The following CACNA2D3 variants were observed in gnomAD, a reference collection of about 807,000 sequenced individuals.
CACNA2D3 encodes the protein calcium voltage-gated channel auxiliary subunit alpha2delta 3.
CACNA2D3 carries 60 observed loss-of-function variants against 160.6 expected under a neutral mutation model. The ratio of observed to expected loss-of-function variants is 0.37; its 90% CI spans 0.30 to 0.46. The LOEUF (loss-of-function observed/expected upper bound fraction) is 0.46. Among genes scored for constraint, CACNA2D3 ranks in the 20% least tolerant of loss-of-function variants. CACNA2D3 has a pLI of 1.00. For missense variants in CACNA2D3, 1,205 were observed against 1,365.0 expected (o/e 0.88, Z 1.85); for synonymous variants, 558 against 492.9 (o/e 1.13, Z -1.75).
At chr3:54,295,152 C>G (rs139840261) in intron 2 of CACNA2D3, among the ~76,000 whole-genome samples, 30 of 152,184 alleles carry the variant, frequency 2.0e-4, no homozygotes, top group African/African-American at 7.2e-4. Context: ...GGAGGTGTAG[C>G]GAGAGCTATG....
intron 11 of CACNA2D3, among the ~76,000 whole-genome samples, chr3:54,751,671 A>G (rs1701859529): frequency 6.6e-6 from 1 of 152,198 alleles, no homozygotes; most frequent in African/African-American, 2.4e-5. Context: ...CACTTGACCC[A>G]TCAGACTAGA....
chr3:55,007,706 A>G, intron 32 of CACNA2D3, 84 bp from the exon 33 acceptor site: 2 of 823,090 alleles, frequency 2.4e-6, no homozygotes. Flanking sequence ...GAAGAATAAC[A>G]TTGTCCTTAT....
At chr3:54,293,252 A>G (rs1056854726) in intron 2 of CACNA2D3, among the ~76,000 whole-genome samples, 10 of 152,178 alleles carry the variant, frequency 6.6e-5, no homozygotes, top group African/African-American at 2.2e-4. Flanking sequence ...GTTTGGTTAC[A>G]TGAATAAGTT....
chr3:54,626,615 C>A, intron 9 of CACNA2D3: 1 of 1,374,230 alleles, frequency 7.3e-7, no homozygotes, highest in African/African-American at 1.5e-5. Flanking sequence ...GGCATCGGGG[C>A]CAGCCACTCC....
intron 4 of CACNA2D3, among the ~76,000 whole-genome samples, chr3:54,447,212 CTA>C (rs1700236775): frequency 6.6e-6 from 1 of 152,058 alleles, no homozygotes; most frequent in African/African-American, 2.4e-5. Context: ...TAAAAATTAT[CTA>C]TTTTAAGGAA....
intron 9 of CACNA2D3, among the ~76,000 whole-genome samples, chr3:54,585,138 C>A (rs1201697231): frequency 6.6e-6 from 1 of 152,118 alleles, no homozygotes; most frequent in East Asian, 1.9e-4. Context: ...TCAGACAATT[C>A]TTAAATTATG....
chr3:54,461,924 A>G (rs1334402289), intron 4 of CACNA2D3, among the ~76,000 whole-genome samples: 1 of 152,118 alleles, frequency 6.6e-6, no homozygotes, highest in Non-Finnish European at 1.5e-5. Flanking sequence ...AGTGCTATAA[A>G]TTTCCCTCTA....
chr3:54,252,365 T>C (rs936470792), intron 2 of CACNA2D3, among the ~76,000 whole-genome samples: 5 of 152,158 alleles, frequency 3.3e-5, no homozygotes, highest in African/African-American at 1.2e-4. Context: ...AGAAATATGA[T>C]AGGAGCATGG....
At chr3:54,514,734 T>C (rs1406553490) in intron 5 of CACNA2D3, among the ~76,000 whole-genome samples, 1 of 151,926 alleles carries the variant, frequency 6.6e-6, no homozygotes, top group Non-Finnish European at 1.5e-5. Flanking sequence ...CCCGCTGCCA[T>C]CTGAAGGATG....
intron 9 of CACNA2D3, among the ~76,000 whole-genome samples, chr3:54,605,451 A>G (rs973946134): frequency 6.6e-6 from 1 of 152,082 alleles, no homozygotes; most frequent in Non-Finnish European, 1.5e-5. Flanking sequence ...AGCATTTCAG[A>G]CATGCAATGA....
intron 4 of CACNA2D3, among the ~76,000 whole-genome samples, chr3:54,445,192 ACCATGG>A (rs1311965309): frequency 6.6e-6 from 1 of 152,228 alleles, no homozygotes; most frequent in Non-Finnish European, 1.5e-5. Context: ...AAGGTGGGCC[ACCATGG>A]CTCTGCTTCA....
rs535286401 is a variant in CACNA2D3, at chr3:55,028,921, C to T, written c.2987+10604C>T. On this transcript the variant is annotated intron_variant, in intron 35 of 37. Coordinates refer to ENST00000474759, the MANE Select transcript of CACNA2D3 (RefSeq NM_018398.3). Reference sequence around the variant, plus strand: ...TTTCTTCTCTCATCGCTTCTCCCCACGCACCTTTCATTTATCTGCTAAGCT... The same window carrying T: ...TTTCTTCTCTCATCGCTTCTCCCCATGCACCTTTCATTTATCTGCTAAGCT... Among the ~76,000 whole-genome samples, 4 of 152,308 alleles carry T rather than the reference C, an allele frequency of 2.6e-5. No individual in the cohort carries two copies. In the East Asian group the frequency reaches 5.8e-4, roughly 22 times the overall value.
At chr3:54,567,655 C>T (rs1336292088) in intron 6 of CACNA2D3, among the ~76,000 whole-genome samples, 1 of 152,192 alleles carries the variant, frequency 6.6e-6, no homozygotes, top group Non-Finnish European at 1.5e-5. Flanking sequence ...CCTGCCTCAA[C>T]CTGCCAAGTA....
At chr3:54,249,549 C>G (rs1702141259) in intron 2 of CACNA2D3, among the ~76,000 whole-genome samples, 1 of 108,078 alleles carries the variant, frequency 9.3e-6, no homozygotes, top group South Asian at 3.0e-4. Context: ...ATAAATGTCT[C>G]TGTTTACGTA....
chr3:54,493,927 A>C (rs1486643601), intron 4 of CACNA2D3, among the ~76,000 whole-genome samples: 1 of 152,252 alleles, frequency 6.6e-6, no homozygotes, highest in Non-Finnish European at 1.5e-5. Context: ...TGACAGAAAA[A>C]GTTTGCTGGC....
chr3:54,247,199 A>G (rs146991368), intron 2 of CACNA2D3, among the ~76,000 whole-genome samples: 1,745 of 152,188 alleles, frequency 0.011, 38 homozygotes, highest in African/African-American at 0.04. Flanking sequence ...AATCCCAGTT[A>G]CTCGGGAGGC....
At chr3:54,341,820 G>A (rs956427394) in intron 3 of CACNA2D3, among the ~76,000 whole-genome samples, 4 of 152,102 alleles carry the variant, frequency 2.6e-5, no homozygotes, top group South Asian at 2.1e-4. Context: ...GCTAGAGTGC[G>A]GTTTTTTTTT....
intron 4 of CACNA2D3, among the ~76,000 whole-genome samples, chr3:54,417,570 C>T (rs1278482542): frequency 1.3e-5 from 2 of 152,078 alleles, no homozygotes; most frequent in African/African-American, 2.4e-5. Flanking sequence ...CTAGCAACTT[C>T]TACAGATATA....
At chr3:54,421,666 A>G (rs146368153) in intron 4 of CACNA2D3, among the ~76,000 whole-genome samples, 3 of 152,234 alleles carry the variant, frequency 2.0e-5, no homozygotes, top group African/African-American at 7.2e-5. Flanking sequence ...GGGAGAGGTA[A>G]CTGTTTCCTG....
Sources: allele counts gnomAD v4.1 joint callset (sites outside exome capture counted in the v4.1 genomes callset), GRCh38; gene constraint gnomAD v4.1.1; transcripts MANE v1.5; gene names NCBI Gene and HGNC (gene_info 2026-07-23, HGNC 2026-07-21).